RNF150: variants seen among roughly 807,000 people sequenced by gnomAD.
RNF150 encodes ring finger protein 150.
Under a neutral mutation model 39.3 loss-of-function variants are expected in RNF150, and 24 were observed. That is an observed-to-expected ratio of 0.61 (90% CI 0.44 to 0.86). The LOEUF (loss-of-function observed/expected upper bound fraction) is 0.86. Among genes scored for constraint, RNF150 ranks in the 40% least tolerant of loss-of-function variants. The pLI is 0.00. For synonymous variants in RNF150, 255 were observed against 227.3 expected (o/e 1.12, Z -1.10); for missense variants, 502 against 587.8 (o/e 0.85, Z 1.51).
At chr4:140,928,993 AC>A (rs1423795784) in intron 4 of RNF150, among the ~76,000 whole-genome samples, 1 of 150,030 alleles carries the variant, frequency 6.7e-6, no homozygotes, top group Non-Finnish European at 1.5e-5. Context: ...CATCCTGGCA[AC>A]CCCAGTTCTT....
intron 5 of RNF150, among the ~76,000 whole-genome samples, chr4:140,925,649 A>C (rs1640873208): frequency 6.6e-6 from 1 of 152,130 alleles, no homozygotes. Context: ...AGAGGTGCTC[A>C]GTGTGCAACT....
rs1560937778 is a variant in RNF150, at chr4:140,865,470, T to TG, written c.*2790dup. ...CAGGTCTCCAGGTCAGTCTCTTCTT[T>TG]GGGGGAGGTAAAGAAGGCTATAAGG... On this transcript the variant is annotated 3_prime_UTR_variant, in exon 7 of 7. Coordinates refer to ENST00000515673, the MANE Select transcript of RNF150 (RefSeq NM_020724.2). The TG allele has an allele frequency of 2.6e-5, 4 of 152,394 alleles. No individual in the cohort carries two copies. The highest frequency in any genetic ancestry group is 2.6e-4 in the Admixed American group (4 of 15,252). The allele number at this position is 152,394 out of a possible 1,614,324, so 9.4% of individuals were successfully genotyped here. A position where few individuals can be genotyped will look rare whatever the true frequency, so the allele number is the denominator to read the frequency against.
intron 5 of RNF150, among the ~76,000 whole-genome samples, chr4:140,924,663 A>T (rs923984520): frequency 6.6e-6 from 1 of 152,212 alleles, no homozygotes; most frequent in African/African-American, 2.4e-5. Flanking sequence ...TCAGCTTTCT[A>T]AGTCACCAGT....
Position 140,864,970 on chromosome 4 carries a change from G to A in RNF150, c.*3291C>T, listed in dbSNP as rs796365577. On this transcript the variant is annotated 3_prime_UTR_variant, in exon 7 of 7. Transcript: ENST00000515673. ...GGGCCTCTCATTAGGCGACTTGGGT[G>A]GTGTCCAGTTCTCCCTGGAGGTAAT... is the stretch of plus-strand genomic sequence containing the variant. 1.3e-5 allele frequency: 2 copies of A among 152,306 alleles called. No homozygotes were observed. Among genetic ancestry groups the A allele is most frequent in the African/African-American group, 4.8e-5 (2 of 41,568 alleles). 9.4% of individuals were successfully genotyped at this position (152,306 alleles called of 1,614,324 possible).
chr4:141,088,953 G>T (rs1047925888), intron 1 of RNF150, among the ~76,000 whole-genome samples: 1 of 152,096 alleles, frequency 6.6e-6, no homozygotes, highest in Non-Finnish European at 1.5e-5. Flanking sequence ...CCAGACCTCA[G>T]CTTCTAGTAT....
intron 1 of RNF150, among the ~76,000 whole-genome samples, chr4:140,988,410 C>T (rs1022155370): frequency 2.0e-4 from 30 of 152,218 alleles, no homozygotes; most frequent in African/African-American, 7.0e-4. Context: ...CTATAGCATG[C>T]TAGGCCATTG....
intron 1 of RNF150, among the ~76,000 whole-genome samples, chr4:141,112,245 A>G (rs1484241805): frequency 6.6e-6 from 1 of 152,196 alleles, no homozygotes; most frequent in African/African-American, 2.4e-5. Context: ...TAATATTGTT[A>G]TGTGTGAATT....
intron 4 of RNF150, among the ~76,000 whole-genome samples, chr4:140,927,264 A>G (rs1731434825): frequency 6.6e-6 from 1 of 152,178 alleles, no homozygotes; most frequent in Non-Finnish European, 1.5e-5. Flanking sequence ...ATGTGTTATT[A>G]TGTTTCCAGA....
chr4:140,997,457 C>T (rs979822531), intron 1 of RNF150, among the ~76,000 whole-genome samples: 3 of 152,098 alleles, frequency 2.0e-5, no homozygotes, highest in Non-Finnish European at 4.4e-5. Context: ...CCCATCTCTA[C>T]TAAAAATACA....
intron 1 of RNF150, among the ~76,000 whole-genome samples, chr4:141,152,695 G>C (rs904053781): frequency 3.9e-5 from 6 of 152,120 alleles, no homozygotes; most frequent in Non-Finnish European, 7.4e-5. Flanking sequence ...GATGTTTGGG[G>C]TGTACTAACC....
At chr4:141,053,255 T>C (rs963953478) in intron 1 of RNF150, among the ~76,000 whole-genome samples, 2 of 152,126 alleles carry the variant, frequency 1.3e-5, no homozygotes, top group African/African-American at 2.4e-5. Context: ...CTGAGGACTG[T>C]GCAAATAGGC....
intron 1 of RNF150, among the ~76,000 whole-genome samples, chr4:141,199,250 A>T (rs758034206): frequency 5.9e-5 from 9 of 152,226 alleles, no homozygotes; most frequent in Non-Finnish European, 1.5e-5. Context: ...CGCAATTAGA[A>T]CTATCACACA....
chr4:140,982,384 CT>C (rs1451170957), intron 1 of RNF150, among the ~76,000 whole-genome samples: 1 of 152,162 alleles, frequency 6.6e-6, no homozygotes, highest in Admixed American at 6.6e-5. Context: ...ATCCTTCCTC[CT>C]CTTGAAAACC....
intron 2 of RNF150, among the ~76,000 whole-genome samples, chr4:140,953,151 G>C (rs149663925): frequency 1.4e-4 from 22 of 152,212 alleles, no homozygotes; most frequent in African/African-American, 5.3e-4. Context: ...TAGTTATGCA[G>C]TGCATGACTG....
chr4:141,078,936 C>T (rs1012154125), intron 1 of RNF150, among the ~76,000 whole-genome samples: 1 of 148,712 alleles, frequency 6.7e-6, no homozygotes, highest in Non-Finnish European at 1.5e-5. Flanking sequence ...CATATATATA[C>T]ACACACATAT....
intron 1 of RNF150, among the ~76,000 whole-genome samples, chr4:141,044,841 A>C (rs1736509130): frequency 6.6e-6 from 1 of 152,020 alleles, no homozygotes; most frequent in Non-Finnish European, 1.5e-5. Flanking sequence ...AAAACTGAAA[A>C]CTGTGGCACA....
chr4:141,142,455 A>C (rs1342465804), intron 1 of RNF150, among the ~76,000 whole-genome samples: 1 of 152,146 alleles, frequency 6.6e-6, no homozygotes, highest in Non-Finnish European at 1.5e-5. Context: ...CTCACCTGAA[A>C]AGAATCTTTC....
At chr4:141,210,077 T>G (rs1189183894) in intron 1 of RNF150, among the ~76,000 whole-genome samples, 1 of 152,156 alleles carries the variant, frequency 6.6e-6, no homozygotes, top group East Asian at 1.9e-4. Context: ...AAAGCCAAAA[T>G]TATTTGTGGA....
Position 140,949,384 on chromosome 4 carries a change from A to G in RNF150, c.736-12T>C, listed in dbSNP as rs1475852828. The G allele has an allele frequency of 6.2e-7, 1 of 1,611,356 alleles. No individual in the cohort carries two copies. Among genetic ancestry groups the G allele is most frequent in the Admixed American group, 1.7e-5 (1 of 59,932 alleles). On this transcript the variant is annotated splice_polypyrimidine_tract_variant and intron_variant, in intron 2 of 6. Coordinates refer to ENST00000515673, the MANE Select transcript of RNF150 (RefSeq NM_020724.2). Reference sequence around the variant, plus strand: ...TCCCCCAGTCGGCGCTGAAAAGCCAAAACGTGCTTGTTAATAATAAAGATC... The same window carrying G: ...TCCCCCAGTCGGCGCTGAAAAGCCAGAACGTGCTTGTTAATAATAAAGATC...
Sources: gnomAD v4.1 joint callset for allele counts (sites outside exome capture counted in the v4.1 genomes callset) on GRCh38, gnomAD v4.1.1 for gene constraint, MANE v1.5 for transcripts, NCBI Gene and HGNC (gene_info 2026-07-23, HGNC 2026-07-21) for gene names.